PROSER3: variants seen among roughly 807,000 people sequenced by gnomAD.
PROSER3 encodes proline and serine-rich protein 3.
A neutral mutation model predicts 50.2 loss-of-function variants in PROSER3; 33 were observed. The observed-to-expected ratio is 0.66, with a 90% CI of 0.50 to 0.88. The LOEUF (loss-of-function observed/expected upper bound fraction) is 0.88, where lower values mean the gene tolerates loss of function less well. PROSER3 is among the 40% of genes least tolerant of loss of function. The pLI, the probability that PROSER3 is intolerant of heterozygous loss-of-function variation, is 0.00. For synonymous variants in PROSER3, 266 were observed against 259.3 expected (o/e 1.03, Z -0.25); for missense variants, 623 against 612.7 (o/e 1.02, Z -0.18).
intron 5 of PROSER3, among the ~76,000 whole-genome samples, 171 bp from the exon 6 acceptor site, chr19:35,764,683 T>TA (rs1161789598): frequency 6.6e-6 from 1 of 150,668 alleles, no homozygotes; most frequent in East Asian, 1.9e-4. Context: ...AAAAAGGTGC[T>TA]AATCCAAAGG....
rs573520704 is a variant in PROSER3 at position 35,768,034 on chromosome 19, C to T, written c.1188C>T (p.Ala396=). 137 of 1,581,596 alleles carry T rather than the reference C, an allele frequency of 8.7e-5. No individual in the cohort carries two copies. The African/African-American group carries it at 1.6e-3, about 19-fold the overall frequency. ...ACGCCCCCTCGGAGGCCCTGCTTGC[C>T]CAGGCCGCCCTGCTGCTGCAGGCTG... is the stretch of plus-strand genomic sequence containing the variant. Residue 396 remains alanine (A), a synonymous_variant, in exon 9 of 11, where the codon GCC becomes GCT. Coordinates refer to ENST00000396908, the Ensembl canonical transcript of PROSER3.
chr19:35,765,153 A>AG lies in PROSER3; in HGVS notation c.749dup (p.Leu251ProfsTer35). 1 of 1,613,666 alleles carries AG rather than the reference A, an allele frequency of 6.2e-7. No homozygotes were observed. The highest frequency in any genetic ancestry group is 1.7e-5 in the Admixed American group (1 of 60,012). On this transcript the variant is annotated frameshift_variant, in exon 7 of 11. Transcript: ENST00000396908. LOFTEE classifies it high-confidence loss of function. Reference sequence around the variant, plus strand: ...GAGACCTTCATCCCTGACTCCAGCAAGGGCCTTGGCCCCAGGGCACCCGGT... The same window carrying AG: ...GAGACCTTCATCCCTGACTCCAGCAAGGGGCCTTGGCCCCAGGGCACCCGGT...
intron 8 of PROSER3, chr19:35,767,118 C>A: frequency 1.1e-6 from 1 of 932,446 alleles, no homozygotes; most frequent in Non-Finnish European, 1.5e-6. Flanking sequence ...GGGACCCAGC[C>A]TAACCATGTC....
chr19:35,763,272 GC>G (rs1463362239), intron 5 of PROSER3, among the ~76,000 whole-genome samples: 1 of 148,490 alleles, frequency 6.7e-6, no homozygotes, highest in Non-Finnish European at 1.5e-5. Flanking sequence ...CGCCATCTCA[GC>G]TCACTGCAAC....
intron 3 of PROSER3, among the ~76,000 whole-genome samples, chr19:35,761,190 A>G (rs561959088): frequency 2.6e-4 from 39 of 152,288 alleles, no homozygotes; most frequent in African/African-American, 8.9e-4. Context: ...CAAGGCTACA[A>G]GGGTACCTGG....
intron 5 of PROSER3, 81 bp downstream of exon 5, chr19:35,762,437 A>C: frequency 7.6e-7 from 1 of 1,314,386 alleles, no homozygotes; most frequent in Non-Finnish European, 1.1e-6. Context: ...GATCAGGAGC[A>C]GTGGCTCACA....
rs147473895 is a variant in PROSER3, at chr19:35,766,982, G to A, written c.957+27G>A. The stretch of plus-strand genomic sequence containing the variant: ...TGAGCCGAGGGAGGGAGGAGCCTGG[G>A]GGGAGCTGGAGGAGGGGCTGGGTCT... On this transcript the variant is annotated intron_variant, in intron 8 of 10. Coordinates refer to ENST00000396908, the Ensembl canonical transcript of PROSER3. 536 of 1,534,470 alleles carry A rather than the reference G, an allele frequency of 3.5e-4. 1 individual carries two copies. The African/African-American group carries it at 6.1e-3, about 17-fold the overall frequency.
intron 2 of PROSER3, 152 bp from the exon 3 acceptor site, chr19:35,759,637 C>T (rs2062984623): frequency 2.0e-6 from 2 of 978,138 alleles, no homozygotes; most frequent in Non-Finnish European, 1.5e-6. Context: ...CACCTGGATT[C>T]CCCATCTGAG....
chr19:35,767,741 C>T (rs1266015994), intron 8 of PROSER3: 1 of 1,550,600 alleles, frequency 6.4e-7, no homozygotes, highest in East Asian at 2.3e-5. Context: ...TCCGAAAGTC[C>T]AGGCCACACA....
rs778934458 is a variant in PROSER3, at chr19:35,767,856, G to A, written c.1010G>A (p.Arg337Gln). The A allele has an allele frequency of 1.9e-6, 3 of 1,612,430 alleles. No individual in the cohort carries two copies. In the African/African-American group the frequency reaches 4.0e-5, roughly 22 times the overall value. ...CCGCCCGCAGCGGGGTCAGTGATAC[G>A]GAAGAGCGAAGCCACTCCTTCCCCT... is the stretch of plus-strand genomic sequence containing the variant. The change falls in exon 9 of 11, where the codon CGG (arginine) becomes CAG (glutamine). Residue 337 changes from arginine to glutamine, a missense_variant. Around this residue, in one of 3 missense-constraint regions of PROSER3, gnomAD observed 380 missense variants for 346.8 expected, o/e 1.10. Coordinates refer to ENST00000396908, the Ensembl canonical transcript of PROSER3.
At chr19:35,770,496 CT>C (rs1706345231), downstream of PROSER3, among the ~76,000 whole-genome samples, 1 of 152,182 alleles carries the variant, frequency 6.6e-6, no homozygotes, top group Admixed American at 6.6e-5. Context: ...GAGGCAGAGT[CT>C]ATGTCCCTTC....
In PROSER3 at chr19:35,768,255, C is replaced by A. The variant is rs560323821; in HGVS notation, c.1301+19C>A. 1.1e-5 allele frequency: 17 copies of A among 1,607,510 alleles called. No homozygotes were observed. Among genetic ancestry groups the A allele is most frequent in the Non-Finnish European group, 1.4e-5 (17 of 1,177,128 alleles). ...AGAAAAGGTGACCGACCCTCCATCC[C>A]CAGAGTCTATGACACTGGGCCCCGG... On this transcript the variant is annotated intron_variant, in intron 10 of 10. Coordinates refer to ENST00000396908, the Ensembl canonical transcript of PROSER3.
intron 5 of PROSER3, 151 bp from the exon 6 acceptor site, chr19:35,764,703 G>T: frequency 3.3e-6 from 2 of 613,612 alleles, no homozygotes; most frequent in Middle Eastern, 2.7e-4. Flanking sequence ...GGGAAAACTG[G>T]GTCTCTCCTC....
exon 7 of PROSER3, chr19:35,765,140 C>T (rs769354991): frequency 6.2e-7 from 1 of 1,613,874 alleles, no homozygotes; most frequent in Non-Finnish European, 8.5e-7. Context: ...GACCTTCATC[C>T]CTGACTCCAG....
rs532017139 is a variant in PROSER3 at position 35,767,858 on chromosome 19, A to G, written c.1012A>G (p.Lys338Glu). The G allele has an allele frequency of 2.0e-5, 32 of 1,612,560 alleles. No individual in the cohort carries two copies. The Admixed American group carries it at 5.3e-4, about 27-fold the overall frequency. The change falls in exon 9 of 11, where the codon AAG (lysine) becomes GAG (glutamate). Residue 338 changes from lysine to glutamate, a missense_variant. Coordinates refer to ENST00000396908, the Ensembl canonical transcript of PROSER3. ...GCCCGCAGCGGGGTCAGTGATACGG[A>G]AGAGCGAAGCCACTCCTTCCCCTGG...
At chr19:35,762,564 G>C in intron 5 of PROSER3, 1 of 254,706 alleles carries the variant, frequency 3.9e-6, no homozygotes, top group Non-Finnish European at 7.0e-6. Flanking sequence ...AAAAAAAAAA[G>C]AGAGAGAGAG....
chr19:35,759,919 G>A, exon 3 of PROSER3: 1 of 1,605,600 alleles, frequency 6.2e-7, no homozygotes. Flanking sequence ...TCCCTGCCCA[G>A]CACCACTGAG....
At chr19:35,761,923 T>C (rs1599748498) in intron 3 of PROSER3, 96 bp from the exon 4 acceptor site, 2 of 1,346,516 alleles carry the variant, frequency 1.5e-6, no homozygotes, top group East Asian at 5.1e-5. Flanking sequence ...TACCAGGCTC[T>C]GCCATGGTGC....
At chr19:35,768,664 T>C in exon 11 of PROSER3, 1 of 1,307,460 alleles carries the variant, frequency 7.6e-7, no homozygotes, top group Non-Finnish European at 1.0e-6. Context: ...TTTAAGGAAA[T>C]GCCCCCCATC....
Sources: allele counts gnomAD v4.1 joint callset (sites outside exome capture counted in the v4.1 genomes callset), GRCh38; gene constraint gnomAD v4.1.1; regional missense constraint gnomAD v4.1.1; transcripts MANE v1.5; gene names NCBI Gene and HGNC (gene_info 2026-07-23, HGNC 2026-07-21).